Variants in TMEM164 observed in about 807,000 individuals in gnomAD.
The protein encoded by TMEM164 is transmembrane protein 164, also known as RP13-360B22.2.
A neutral mutation model predicts 18.8 loss-of-function variants in TMEM164; 4 were observed. The observed-to-expected ratio is 0.21, with a 90% CI of 0.10 to 0.49. TMEM164 has a LOEUF of 0.49. Among genes scored for constraint, TMEM164 ranks in the 20% least tolerant of loss-of-function variants. The pLI is 0.98. For missense variants in TMEM164, 108 were observed against 239.9 expected (o/e 0.45, Z 3.63); for synonymous variants, 86 against 101.7 (o/e 0.85, Z 0.93).
intron 4 of TMEM164, among the ~76,000 whole-genome samples, chrX:110,112,976 A>G (rs1396016501): frequency 9.0e-6 from 1 of 110,929 alleles, no homozygotes; most frequent in Non-Finnish European, 1.9e-5. Flanking sequence ...CATAGCACCC[A>G]TACTACCCTA....
At chrX:110,033,440 AC>A (rs1381433913) in intron 2 of TMEM164, among the ~76,000 whole-genome samples, 3 of 112,036 alleles carry the variant, frequency 2.7e-5, no homozygotes, top group Non-Finnish European at 5.6e-5. Context: ...TACACTTCAG[AC>A]CATTTCTATC....
intron 2 of TMEM164, among the ~76,000 whole-genome samples, chrX:110,008,623 G>C (rs1932872706): frequency 9.0e-6 from 1 of 111,500 alleles, no homozygotes; most frequent in African/African-American, 3.3e-5. Flanking sequence ...CAGTCATTGG[G>C]GGTGTCCATA....
chrX:110,178,458 G>A (rs918288596), downstream of TMEM164, among the ~76,000 whole-genome samples: 11 of 111,749 alleles, frequency 9.8e-5, no homozygotes, highest in African/African-American at 3.3e-4. Context: ...GAGTTGGTTC[G>A]TGTCCTTCCC....
intron 2 of TMEM164, among the ~76,000 whole-genome samples, chrX:110,017,695 G>A (rs1371821080): frequency 9.7e-6 from 1 of 103,296 alleles, no homozygotes; most frequent in Non-Finnish European, 2.0e-5. Context: ...TCAGCCTCCC[G>A]AGTAGCTGGG....
chrX:110,175,756 A>G lies in TMEM164; in HGVS notation c.*2305A>G. On this transcript the variant is annotated 3_prime_UTR_variant, in exon 7 of 7. Coordinates refer to ENST00000372068, the MANE Select transcript of TMEM164 (RefSeq NM_032227.4). Reference sequence around the variant, plus strand: ...AAAGAATAGAGGGGGCCCAGTCTATAGGCTTCACAAGGAGCCATGGCCTGT... The same window carrying G: ...AAAGAATAGAGGGGGCCCAGTCTATGGGCTTCACAAGGAGCCATGGCCTGT... 1.3e-6 allele frequency: 1 copy of G among 754,706 alleles called. No homozygotes were observed. The highest frequency in any genetic ancestry group is 1.6e-6 in the Non-Finnish European group (1 of 639,524). 62.2% of individuals were successfully genotyped at this position (754,706 alleles called of 1,213,427 possible). A position where few individuals can be genotyped will look rare whatever the true frequency, so the allele number is the denominator to read the frequency against.
chrX:110,160,979 A>G (rs2067085726), intron 5 of TMEM164, among the ~76,000 whole-genome samples: 1 of 112,273 alleles, frequency 8.9e-6, no homozygotes, highest in South Asian at 3.7e-4. Flanking sequence ...AAGTGCTGGG[A>G]TTACAGGCGT....
At chrX:110,148,508 T>C (rs1472670785) in intron 5 of TMEM164, among the ~76,000 whole-genome samples, 1 of 108,743 alleles carries the variant, frequency 9.2e-6, no homozygotes, top group African/African-American at 3.4e-5. Flanking sequence ...ATTCTTTTTC[T>C]TTCTTTTTTT....
chrX:110,017,496 CTCCCTCCCTCCCTCCCTCCTTCCT>C (rs1483138986), intron 2 of TMEM164, among the ~76,000 whole-genome samples: 3 of 2,922 alleles, frequency 1.0e-3, no homozygotes, highest in African/African-American at 1.4e-3. Context: ...CCCTCCCTCC[CTCCCTCCCTCCCTCCCTCCTTCCT>C]TCCTTCCTTC....
intron 3 of TMEM164, among the ~76,000 whole-genome samples, chrX:110,068,354 T>TA (rs1219666669): frequency 8.9e-6 from 1 of 112,592 alleles, no homozygotes; most frequent in African/African-American, 3.2e-5. Flanking sequence ...ATGTATTTCT[T>TA]ACTTGAACAG....
chrX:110,153,499 G>C (rs1040451487), intron 5 of TMEM164, among the ~76,000 whole-genome samples: 1 of 111,856 alleles, frequency 8.9e-6, no homozygotes, highest in African/African-American at 3.2e-5. Context: ...CCATGACCTT[G>C]AATGAGAAAA....
At chrX:110,106,665 C>T (rs1248857807) in intron 3 of TMEM164, among the ~76,000 whole-genome samples, 4 of 111,724 alleles carry the variant, frequency 3.6e-5, no homozygotes, top group Non-Finnish European at 5.6e-5. Flanking sequence ...TGAGTCACCA[C>T]GCCCAGCCCA....
At chrX:110,035,756 C>G (rs62597717) in intron 2 of TMEM164, among the ~76,000 whole-genome samples, 1 of 108,298 alleles carries the variant, frequency 9.2e-6, no homozygotes, top group African/African-American at 3.4e-5. Context: ...CCGCCCACTT[C>G]GGCCTCCCAA....
chrX:110,031,137 T>C (rs1269019382), intron 2 of TMEM164, among the ~76,000 whole-genome samples: 2 of 111,673 alleles, frequency 1.8e-5, no homozygotes, highest in African/African-American at 6.5e-5. Context: ...CTCCCACTTA[T>C]GAGTGAGAAC....
At chrX:110,172,523 T>C (rs1011582213) in intron 6 of TMEM164, among the ~76,000 whole-genome samples, 3 of 111,452 alleles carry the variant, frequency 2.7e-5, no homozygotes, top group African/African-American at 9.8e-5. Context: ...TTGCCAACAG[T>C]GTGAATGCTT....
intron 4 of TMEM164, among the ~76,000 whole-genome samples, chrX:110,142,976 G>A: frequency 8.9e-6 from 1 of 112,525 alleles, no homozygotes; most frequent in Non-Finnish European, 1.9e-5. Context: ...ACTGCTTGAG[G>A]ACACACCTGG....
At chrX:110,028,477 A>G (rs961858715) in intron 2 of TMEM164, among the ~76,000 whole-genome samples, 1 of 112,248 alleles carries the variant, frequency 8.9e-6, no homozygotes, top group African/African-American at 3.2e-5. Context: ...ATTTGACTAT[A>G]TGAATTAAAA....
chrX:110,160,996 C>A (rs1281615933), intron 5 of TMEM164, among the ~76,000 whole-genome samples: 2 of 112,317 alleles, frequency 1.8e-5, no homozygotes, highest in Admixed American at 1.9e-4. Flanking sequence ...GCGTGAGCCA[C>A]CGTGCCTGCC....
chrX:110,015,285 T>A (rs1057075090), intron 2 of TMEM164, among the ~76,000 whole-genome samples: 2 of 111,872 alleles, frequency 1.8e-5, no homozygotes, highest in African/African-American at 6.5e-5. Context: ...GTAAGAAGGC[T>A]GTTTCTTAGT....
chrX:110,077,684 G>C (rs749458127), intron 3 of TMEM164, among the ~76,000 whole-genome samples: 3 of 111,652 alleles, frequency 2.7e-5, no homozygotes, highest in Non-Finnish European at 5.6e-5. Context: ...TGCTTGTCTA[G>C]AAAAGATTTT....
Sources: allele counts gnomAD v4.1 joint callset (sites outside exome capture counted in the v4.1 genomes callset), GRCh38; gene constraint gnomAD v4.1.1; transcripts MANE v1.5; gene names NCBI Gene and HGNC (gene_info 2026-07-23, HGNC 2026-07-21).